Variants in TAFA4 observed in about 807,000 individuals in gnomAD.
TAFA4 encodes chemokine-like protein TAFA-4.
In TAFA4, 20 loss-of-function variants were observed where a neutral mutation model predicts 21.1. The ratio of observed to expected loss-of-function variants is 0.95; its 90% CI spans 0.67 to 1.38. The LOEUF is 1.38. Among genes scored for constraint, TAFA4 ranks in the 40% most tolerant of loss-of-function variants. The probability of loss-of-function intolerance (pLI) is 0.00; values close to 1 mark genes in which losing one functional copy is unlikely to be tolerated. For synonymous variants in TAFA4, 71 were observed against 67.4 expected, an observed-to-expected ratio of 1.05 and a Z score of -0.26; for missense variants, 211 against 180.9, an observed-to-expected ratio of 1.17 and a Z score of -0.95.
At chr3:68,920,778 C>T (rs373631285) in intron 1 of TAFA4, among the ~76,000 whole-genome samples, 1 of 152,062 alleles carries the variant, frequency 6.6e-6, no homozygotes, top group East Asian at 1.9e-4. Context: ...CACTAAGCAG[C>T]CATTCCCAGC....
At chr3:68,746,608 T>C (rs1261651009) in intron 4 of TAFA4, among the ~76,000 whole-genome samples, 1 of 152,190 alleles carries the variant, frequency 6.6e-6, no homozygotes, top group Non-Finnish European at 1.5e-5. Flanking sequence ...AAAGAAGCCA[T>C]ACCAACTTGA....
rs530967063 is a variant in TAFA4, at chr3:68,899,783, C to A, written c.-122-14473G>T. 8.5e-4 allele frequency among the ~76,000 whole-genome samples: 129 copies of A among 152,240 alleles called. 1 individual carries two copies. The South Asian group carries it at 0.015, about 18-fold the overall frequency. On this transcript the variant is annotated intron_variant, in intron 1 of 5. Coordinates refer to ENST00000295569, the MANE Select transcript of TAFA4 (RefSeq NM_182522.5). Reference sequence around the variant, plus strand: ...AAACACAAGAGACTAGGGAGAATGACCTCTCTTCCTAGTTTATGCCTTCAA... The same window carrying A: ...AAACACAAGAGACTAGGGAGAATGAACTCTCTTCCTAGTTTATGCCTTCAA...
intron 3 of TAFA4, among the ~76,000 whole-genome samples, chr3:68,856,996 T>C (rs966192288): frequency 6.6e-6 from 1 of 152,112 alleles, no homozygotes; most frequent in Non-Finnish European, 1.5e-5. Flanking sequence ...TAAAGTCAAA[T>C]GGGACAACAC....
intron 3 of TAFA4, among the ~76,000 whole-genome samples, chr3:68,857,731 T>G (rs1705101664): frequency 6.6e-6 from 1 of 151,894 alleles, no homozygotes. Context: ...TGTTCAAGAC[T>G]GTTCCGACCA....
chr3:68,875,442 A>G (rs546655132), intron 3 of TAFA4, among the ~76,000 whole-genome samples: 15 of 152,254 alleles, frequency 9.9e-5, no homozygotes, highest in African/African-American at 3.1e-4. Context: ...GCCTTTTTCC[A>G]TTGCTACCAA....
At chr3:68,740,088 T>A (rs191135313) in intron 4 of TAFA4, among the ~76,000 whole-genome samples, 259 of 152,312 alleles carry the variant, frequency 1.7e-3, no homozygotes, top group African/African-American at 5.9e-3. Context: ...ACTGTGCCAT[T>A]GTCTAGATTA....
chr3:68,820,668 AAAAG>A (rs1407314804), intron 3 of TAFA4, among the ~76,000 whole-genome samples: 1 of 152,196 alleles, frequency 6.6e-6, no homozygotes, highest in Non-Finnish European at 1.5e-5. Context: ...CCTGTTTCAA[AAAAG>A]AAAAAGAAAA....
intron 4 of TAFA4, among the ~76,000 whole-genome samples, chr3:68,752,126 A>G (rs1243421076): frequency 6.6e-6 from 1 of 152,214 alleles, no homozygotes; most frequent in Non-Finnish European, 1.5e-5. Context: ...ACCTTTAGAC[A>G]TGCATCAAAT....
At chr3:68,740,236 A>T (rs17047954) in intron 4 of TAFA4, among the ~76,000 whole-genome samples, 2,508 of 152,150 alleles carry the variant, frequency 0.016, 54 homozygotes, top group East Asian at 0.068. Context: ...AGTCTCAGAA[A>T]ATGTCAGCTG....
At chr3:68,759,891 G>A (rs1399594263) in intron 3 of TAFA4, among the ~76,000 whole-genome samples, 2 of 152,090 alleles carry the variant, frequency 1.3e-5, no homozygotes, top group Non-Finnish European at 2.9e-5. Context: ...CAGATGGGGG[G>A]TAGATGGGTA....
intron 3 of TAFA4, among the ~76,000 whole-genome samples, chr3:68,792,283 T>C (rs749723975): frequency 7.2e-5 from 11 of 152,312 alleles, no homozygotes; most frequent in Non-Finnish European, 1.6e-4. Context: ...TTTCTATTTT[T>C]TGGTTGAGAA....
chr3:68,911,101 C>A (rs572537612), intron 1 of TAFA4, among the ~76,000 whole-genome samples: 2 of 152,212 alleles, frequency 1.3e-5, no homozygotes, highest in Non-Finnish European at 2.9e-5. Flanking sequence ...ATGTTAAGGG[C>A]ACGGTTCACA....
In TAFA4 at chr3:68,790,059, T is replaced by C. The variant is rs151074120; in HGVS notation, c.131-37041A>G. 4.8e-3 allele frequency among the ~76,000 whole-genome samples: 734 copies of C among 152,308 alleles called. 7 individuals are homozygous for C. Among genetic ancestry groups the C allele is most frequent in the African/African-American group, 0.017 (691 of 41,564 alleles). On this transcript the variant is annotated intron_variant, in intron 3 of 5. Coordinates refer to ENST00000295569, the MANE Select transcript of TAFA4 (RefSeq NM_182522.5). ...ATTTTTCGCCTCAAGTTCTTAAAAA[T>C]ATGTATAACTGTTGAAAGCAAAAAT... is the stretch of plus-strand genomic sequence containing the variant.
intron 3 of TAFA4, among the ~76,000 whole-genome samples, chr3:68,767,161 C>A (rs1702870043): frequency 6.6e-6 from 1 of 152,040 alleles, no homozygotes; most frequent in Non-Finnish European, 1.5e-5. Flanking sequence ...ACCTGTCACC[C>A]AAGTACTGTA....
chr3:68,809,157 A>G (rs1703773236), intron 3 of TAFA4, among the ~76,000 whole-genome samples: 1 of 152,246 alleles, frequency 6.6e-6, no homozygotes, highest in Non-Finnish European at 1.5e-5. Flanking sequence ...CTTTTACCCT[A>G]GAACACAGTG....
chr3:68,738,871 A>C (rs1003583964), intron 5 of TAFA4, among the ~76,000 whole-genome samples: 8 of 152,170 alleles, frequency 5.3e-5, no homozygotes, highest in African/African-American at 1.9e-4. Context: ...GAATTCTCCC[A>C]CCAAATCACT....
intron 3 of TAFA4, among the ~76,000 whole-genome samples, chr3:68,763,630 C>T (rs1702795617): frequency 6.6e-6 from 1 of 152,130 alleles, no homozygotes; most frequent in African/African-American, 2.4e-5. Flanking sequence ...CCAAGCTCAT[C>T]ACTTCTAATA....
At position 68,810,737 on chromosome 3, in the gene TAFA4, C is replaced by A. The variant is rs148021211; in HGVS notation, c.131-57719G>T. On this transcript the variant is annotated intron_variant, in intron 3 of 5. Coordinates refer to ENST00000295569, the MANE Select transcript of TAFA4 (RefSeq NM_182522.5). Reference sequence around the variant, plus strand: ...GGACTGTCTGCCTCTGCAGACTCCACCTCTGGGGGCAGGGCATAGCCAAAC... The same window carrying A: ...GGACTGTCTGCCTCTGCAGACTCCAACTCTGGGGGCAGGGCATAGCCAAAC... Among the ~76,000 whole-genome samples the A allele has an allele frequency of 1.7e-4, 26 of 152,342 alleles. No homozygotes were observed. In the East Asian group the frequency reaches 4.1e-3, roughly 24 times the overall value.
At chr3:68,906,698 C>T (rs1034115568) in intron 1 of TAFA4, among the ~76,000 whole-genome samples, 1 of 151,948 alleles carries the variant, frequency 6.6e-6, no homozygotes, top group Admixed American at 6.6e-5. Context: ...TTAAAACTTG[C>T]CTGTATGTAG....
Sources: gnomAD v4.1 joint callset for allele counts (sites outside exome capture counted in the v4.1 genomes callset) on GRCh38, gnomAD v4.1.1 for gene constraint, MANE v1.5 for transcripts, NCBI Gene and HGNC (gene_info 2026-07-23, HGNC 2026-07-21) for gene names.